Variants in CSMD3 observed in about 807,000 individuals in gnomAD.
The protein encoded by CSMD3 is CUB and sushi domain-containing protein 3.
A neutral mutation model predicts 435.2 loss-of-function variants in CSMD3; 177 were observed. The ratio of observed to expected loss-of-function variants is 0.41; its 90% CI spans 0.36 to 0.46. The LOEUF is 0.46. CSMD3 is among the 20% of genes least tolerant of loss of function. The pLI, the probability that CSMD3 is intolerant of heterozygous loss-of-function variation, is 0.34. For missense variants in CSMD3, 4,265 were observed against 4,504.6 expected (o/e 0.95, Z 1.52); for synonymous variants, 1,656 against 1,520.5 (o/e 1.09, Z -2.07).
chr8:112,774,304 C>T lies in CSMD3; in HGVS notation c.1972+25858G>A, dbSNP rs1426493458. On this transcript the variant is annotated intron_variant, in intron 13 of 70. Coordinates refer to ENST00000297405, the MANE Select transcript of CSMD3 (RefSeq NM_198123.2). ...CAAAATTTATATTTCAGATATGTAA[C>T]ACACCTCTGAATTGTGGAACTTATC... 2.6e-5 allele frequency among the ~76,000 whole-genome samples: 4 copies of T among 151,840 alleles called. No individual in the cohort carries two copies. The East Asian group carries it at 5.8e-4, about 22-fold the overall frequency.
chr8:113,177,921 G>A (rs2092371021), intron 3 of CSMD3, among the ~76,000 whole-genome samples: 1 of 151,892 alleles, frequency 6.6e-6, no homozygotes, highest in Non-Finnish European at 1.5e-5. Context: ...AAATATACAA[G>A]ATAAACTTTT....
chr8:112,300,675 A>C (rs899578906), intron 53 of CSMD3, among the ~76,000 whole-genome samples: 9 of 152,148 alleles, frequency 5.9e-5, no homozygotes, highest in African/African-American at 2.2e-4. Flanking sequence ...CCAGAGACTC[A>C]GGAGTTCCCT....
intron 1 of CSMD3, among the ~76,000 whole-genome samples, chr8:113,404,975 G>C (rs1413964874): frequency 6.6e-6 from 1 of 151,368 alleles, no homozygotes; most frequent in Admixed American, 6.6e-5. Context: ...AATAATTCTA[G>C]GTCAAATTAA....
At chr8:112,606,740 T>C (rs1335085126) in intron 22 of CSMD3, among the ~76,000 whole-genome samples, 1 of 151,990 alleles carries the variant, frequency 6.6e-6, no homozygotes, top group Non-Finnish European at 1.5e-5. Flanking sequence ...GGAGGAAAAC[T>C]AGAAAATTCA....
chr8:113,281,132 T>A (rs1563646988), intron 2 of CSMD3, among the ~76,000 whole-genome samples: 1 of 151,924 alleles, frequency 6.6e-6, no homozygotes, highest in African/African-American at 2.4e-5. Context: ...TTTAATAGAA[T>A]GTGTATTCTA....
chr8:112,323,152 C>CAAAT (rs1176818155), intron 45 of CSMD3, among the ~76,000 whole-genome samples: 3 of 151,496 alleles, frequency 2.0e-5, no homozygotes, highest in East Asian at 3.9e-4. Context: ...TAATGAAAAA[C>CAAAT]AAACAAACAA....
At chr8:112,476,870 T>A (rs988481543) in intron 31 of CSMD3, among the ~76,000 whole-genome samples, 1 of 152,186 alleles carries the variant, frequency 6.6e-6, no homozygotes, top group Non-Finnish European at 1.5e-5. Context: ...CAGACTCCCA[T>A]CAATTTCTGC....
intron 3 of CSMD3, among the ~76,000 whole-genome samples, chr8:113,256,834 T>A (rs2093384741): frequency 6.6e-6 from 1 of 152,104 alleles, no homozygotes; most frequent in Admixed American, 6.5e-5. Context: ...CATTAAGTGG[T>A]TTGTAGTGTG....
At chr8:112,676,953 A>G (rs1165531605) in intron 16 of CSMD3, among the ~76,000 whole-genome samples, 1 of 152,126 alleles carries the variant, frequency 6.6e-6, no homozygotes, top group Non-Finnish European at 1.5e-5. Flanking sequence ...AGTAGCTGAG[A>G]ATATATGTCA....
At chr8:112,318,647 T>C (rs1822701909) in intron 47 of CSMD3, among the ~76,000 whole-genome samples, 190 bp downstream of exon 47, 1 of 152,106 alleles carries the variant, frequency 6.6e-6, no homozygotes, top group Admixed American at 6.6e-5. Flanking sequence ...GAATCAAAGA[T>C]GTTTAAAGTT....
chr8:112,530,734 C>T (rs1037114581), intron 27 of CSMD3, among the ~76,000 whole-genome samples: 1 of 152,122 alleles, frequency 6.6e-6, no homozygotes, highest in African/African-American at 2.4e-5. Context: ...ATTAGAAGTC[C>T]GTGTTGATCC....
chr8:113,108,602 A>T (rs2131587959), intron 4 of CSMD3, among the ~76,000 whole-genome samples: 1 of 152,290 alleles, frequency 6.6e-6, no homozygotes, highest in South Asian at 2.1e-4. Context: ...ACATTTTTTT[A>T]AAGTCATTGA....
intron 13 of CSMD3, among the ~76,000 whole-genome samples, chr8:112,799,750 C>CA (rs576914176): frequency 2.2e-4 from 33 of 151,824 alleles, no homozygotes; most frequent in Non-Finnish European, 3.1e-4. Flanking sequence ...TGATAGATTA[C>CA]AAAAAAAGAT....
At chr8:112,423,879 C>G (rs79382427) in intron 32 of CSMD3, among the ~76,000 whole-genome samples, 1 of 152,046 alleles carries the variant, frequency 6.6e-6, no homozygotes, top group African/African-American at 2.4e-5. Flanking sequence ...TGTAAGTATT[C>G]AAGTTCCATG....
chr8:113,373,358 G>GAC (rs1213222732), intron 1 of CSMD3, among the ~76,000 whole-genome samples: 4 of 151,478 alleles, frequency 2.6e-5, no homozygotes, highest in Non-Finnish European at 4.4e-5. Flanking sequence ...TGATTTTATG[G>GAC]ACACACACAC....
chr8:113,314,427 G>T, intron 2 of CSMD3, 144 bp downstream of exon 2: 1 of 648,136 alleles, frequency 1.5e-6, no homozygotes, highest in South Asian at 1.8e-5. Context: ...TTCATGGGAT[G>T]ATATATTTTC....
chr8:112,550,152 T>G (rs1388320496), intron 27 of CSMD3, among the ~76,000 whole-genome samples: 1 of 152,044 alleles, frequency 6.6e-6, no homozygotes, highest in Admixed American at 6.6e-5. Context: ...TTACAAGGAA[T>G]GCTATTTCAT....
intron 3 of CSMD3, among the ~76,000 whole-genome samples, chr8:113,224,342 T>C (rs1245934321): frequency 6.6e-6 from 1 of 151,206 alleles, no homozygotes; most frequent in African/African-American, 2.4e-5. Flanking sequence ...TCTATAGACA[T>C]CTACAATCGA....
At chr8:112,754,477 G>GA (rs60897217) in intron 13 of CSMD3, among the ~76,000 whole-genome samples, 4,734 of 147,736 alleles carry the variant, frequency 0.032, 97 homozygotes, top group East Asian at 0.076. Context: ...TGTTTTTTAG[G>GA]AAAAAAAAAA....
Sources: gnomAD v4.1 joint callset for allele counts (sites outside exome capture counted in the v4.1 genomes callset) on GRCh38, gnomAD v4.1.1 for gene constraint, MANE v1.5 for transcripts, NCBI Gene and HGNC (gene_info 2026-07-23, HGNC 2026-07-21) for gene names.